PDE1C: variants seen among roughly 807,000 people sequenced by gnomAD.
The protein encoded by PDE1C is dual specificity calcium/calmodulin-dependent 3',5'-cyclic nucleotide phosphodiesterase 1C.
In PDE1C, 62 loss-of-function variants were observed where a neutral mutation model predicts 93.1. The observed-to-expected ratio is 0.67, with a 90% confidence interval of 0.54 to 0.82. The LOEUF is 0.82. PDE1C is among the 40% of genes least tolerant of loss of function. PDE1C has a pLI of 0.00. For synonymous variants in PDE1C, 325 were observed against 310.1 expected (o/e 1.05, Z -0.50); for missense variants, 742 against 884.6 (o/e 0.84, Z 2.04).
chr7:31,729,775 G>C, the PDE1C span, among the ~76,000 whole-genome samples: 59 of 152,316 alleles, frequency 3.9e-4, no homozygotes, highest in African/African-American at 1.4e-3. Flanking sequence ...CTTTAACCCA[G>C]GATCTGTAAC....
At chr7:32,259,932 G>C (rs1412260647) in intron 1 of PDE1C, among the ~76,000 whole-genome samples, 4 of 152,168 alleles carry the variant, frequency 2.6e-5, no homozygotes. Flanking sequence ...GCACAAACCT[G>C]CAGCAGGTCC....
At chr7:32,159,923 C>A (rs1801808326) in intron 3 of PDE1C, among the ~76,000 whole-genome samples, 1 of 152,110 alleles carries the variant, frequency 6.6e-6, no homozygotes, top group South Asian at 2.1e-4. Flanking sequence ...GCTCCTGAAG[C>A]CAAATCTCAG....
chr7:31,850,056 A>T (rs7789477), intron 8 of PDE1C, among the ~76,000 whole-genome samples: 123,665 of 151,990 alleles, frequency 0.81, 50,430 homozygotes, highest in East Asian at 0.96. Flanking sequence ...GAGGTTTGTG[A>T]TTACCTGTGC....
intron 1 of PDE1C, among the ~76,000 whole-genome samples, chr7:32,346,505 T>C (rs1783855065): frequency 1.3e-5 from 2 of 152,178 alleles, no homozygotes; most frequent in South Asian, 4.1e-4. Context: ...GGCCCCCAGG[T>C]GCCTGTAAGG....
chr7:32,182,412 C>A (rs1208789809), intron 2 of PDE1C, among the ~76,000 whole-genome samples: 1 of 152,190 alleles, frequency 6.6e-6, no homozygotes, highest in Non-Finnish European at 1.5e-5. Flanking sequence ...AAAATACTGG[C>A]AAACCGAATC....
intron 3 of PDE1C, among the ~76,000 whole-genome samples, chr7:32,164,905 T>C (rs1253769967): frequency 6.6e-6 from 1 of 152,198 alleles, no homozygotes; most frequent in Admixed American, 6.5e-5. Context: ...CCAGGTTCAA[T>C]TTATTCTCTA....
At chr7:31,691,262 G>A in the PDE1C span, among the ~76,000 whole-genome samples, 2 of 152,208 alleles carry the variant, frequency 1.3e-5, no homozygotes, top group African/African-American at 2.4e-5. Flanking sequence ...AGAGAAAACC[G>A]GTTTATTCCT....
upstream of PDE1C, among the ~76,000 whole-genome samples, chr7:32,303,428 A>G (rs754774804): frequency 6.6e-6 from 1 of 152,234 alleles, no homozygotes; most frequent in Non-Finnish European, 1.5e-5. Context: ...TTACAGGAAG[A>G]GTAAGTCTTA....
the PDE1C span, chr7:31,658,406 T>C: frequency 6.7e-7 from 1 of 1,486,840 alleles, no homozygotes; most frequent in South Asian, 1.3e-5. Flanking sequence ...TTTTTCTTTG[T>C]TGAGAAAATA....
chr7:31,811,169 G>A (rs1227886338), intron 15 of PDE1C, among the ~76,000 whole-genome samples: 2 of 152,064 alleles, frequency 1.3e-5, no homozygotes, highest in Non-Finnish European at 2.9e-5. Context: ...TAAGTCTCAC[G>A]AGGTCTGGTG....
At chr7:31,690,301 A>C in the PDE1C span, among the ~76,000 whole-genome samples, 1 of 152,258 alleles carries the variant, frequency 6.6e-6, no homozygotes, top group African/African-American at 2.4e-5. Context: ...CAATGTGCTA[A>C]GCATGCAGCT....
At chr7:32,298,154 A>T (rs1225073381) in intron 1 of PDE1C, among the ~76,000 whole-genome samples, 4 of 147,376 alleles carry the variant, frequency 2.7e-5, no homozygotes, top group African/African-American at 1.0e-4. Flanking sequence ...TCACTCTATT[A>T]GTCTGTCTTG....
intron 3 of PDE1C, among the ~76,000 whole-genome samples, chr7:32,110,730 A>C (rs1798594177): frequency 6.6e-6 from 1 of 152,202 alleles, no homozygotes; most frequent in African/African-American, 2.4e-5. Context: ...CCTGAGAAGA[A>C]ACTACAATTC....
intron 17 of PDE1C, among the ~76,000 whole-genome samples, chr7:31,772,045 C>CAA (rs34055758): frequency 0.15 from 17,658 of 116,190 alleles, 1,399 homozygotes; most frequent in Non-Finnish European, 0.2. Context: ...GACTCCGTCT[C>CAA]AAAAAAAAAA....
intron 2 of PDE1C, among the ~76,000 whole-genome samples, chr7:31,901,625 G>A (rs965991960): frequency 6.6e-6 from 1 of 151,036 alleles, no homozygotes; most frequent in Non-Finnish European, 1.5e-5. Context: ...ATTTAACATA[G>A]AAGGCTAAAC....
chr7:32,067,979 T>A (rs1383993697), intron 1 of PDE1C, among the ~76,000 whole-genome samples: 1 of 152,158 alleles, frequency 6.6e-6, no homozygotes, highest in African/African-American at 2.4e-5. Context: ...ATAAATTAAA[T>A]ACGGGCGATA....
At chr7:32,364,951 C>G (rs1476926952) in intron 1 of PDE1C, among the ~76,000 whole-genome samples, 1 of 152,228 alleles carries the variant, frequency 6.6e-6, no homozygotes, top group African/African-American at 2.4e-5. Context: ...CCGGCAGAAC[C>G]TGCCCTTGAT....
intron 1 of PDE1C, among the ~76,000 whole-genome samples, chr7:32,254,416 G>A (rs1358121014): frequency 6.6e-6 from 1 of 152,134 alleles, no homozygotes; most frequent in African/African-American, 2.4e-5. Context: ...GGTGGAAAAA[G>A]CACAACTCTC....
chr7:32,139,551 T>C (rs1164246831), intron 3 of PDE1C, among the ~76,000 whole-genome samples: 1 of 152,160 alleles, frequency 6.6e-6, no homozygotes, highest in Non-Finnish European at 1.5e-5. Flanking sequence ...CGTACTCAGA[T>C]GCTCCTCCCT....
Sources: gnomAD v4.1 joint callset for allele counts (sites outside exome capture counted in the v4.1 genomes callset) on GRCh38, gnomAD v4.1.1 for gene constraint, MANE v1.5 for transcripts, NCBI Gene and HGNC (gene_info 2026-07-23, HGNC 2026-07-21) for gene names.